The following WDR70 variants were observed in gnomAD, a reference collection of about 807,000 sequenced individuals.
WDR70 encodes WD repeat domain 70.
Under a neutral mutation model 88.6 loss-of-function variants are expected in WDR70, and 53 were observed. The ratio of observed to expected loss-of-function variants is 0.60; its 90% CI spans 0.48 to 0.75. The LOEUF (loss-of-function observed/expected upper bound fraction) is 0.75. Ranked by LOEUF, WDR70 falls within the 30% of genes least tolerant of loss-of-function variation. The pLI, the probability that WDR70 is intolerant of heterozygous loss-of-function variation, is 0.00. For missense variants in WDR70, 610 were observed against 823.2 expected, an observed-to-expected ratio of 0.74 and a Z score of 3.17; for synonymous variants, 280 against 270.0, an observed-to-expected ratio of 1.04 and a Z score of -0.36.
chr5:37,379,444 G>T, intron 1 of WDR70, 45 bp from the exon 2 acceptor site: 1 of 1,613,792 alleles, frequency 6.2e-7, no homozygotes, highest in Non-Finnish European at 8.5e-7. Flanking sequence ...GGGGGAGCTG[G>T]GGCGCCGCAC....
chr5:37,724,891 G>A (rs760988320), intron 15 of WDR70, 43 bp from the exon 16 acceptor site: 73 of 1,548,962 alleles, frequency 4.7e-5, no homozygotes, highest in South Asian at 2.5e-4. Context: ...TGGATGGGAA[G>A]GTTATTGTTA....
chr5:37,479,867 A>T lies in WDR70; in HGVS notation c.720A>T (p.Thr240=). 6.2e-7 allele frequency: 1 copy of T among 1,614,114 alleles called. No homozygotes were observed. The highest frequency in any genetic ancestry group is 1.3e-5 in the African/African-American group (1 of 75,032). ...HQIKSLQYSN[T]GDMILVVSGS... is the part of the protein sequence containing the mutation. ...TCAAGTCATTACAGTATAGTAACAC[A>T]GGAGACATGATTCTTGTTGTATCTG... is the stretch of plus-strand genomic sequence containing the variant. Residue 240 remains threonine (T), a synonymous_variant, in exon 8 of 18, where the codon ACA becomes ACT. Transcript: ENST00000265107.
At chr5:37,551,229 C>T (rs867724961) in intron 9 of WDR70, among the ~76,000 whole-genome samples, 19 of 151,306 alleles carry the variant, frequency 1.3e-4, no homozygotes, top group South Asian at 8.4e-4. Flanking sequence ...CACTTGAACC[C>T]GGGAGGCAGA....
intron 6 of WDR70, among the ~76,000 whole-genome samples, chr5:37,438,642 A>G (rs543493812): frequency 1.3e-5 from 2 of 152,276 alleles, no homozygotes; most frequent in Non-Finnish European, 2.9e-5. Context: ...TCTAATTGAC[A>G]TGTAAAGAAG....
intron 3 of WDR70, among the ~76,000 whole-genome samples, chr5:37,384,620 A>C (rs1748546462): frequency 7.4e-6 from 1 of 134,566 alleles, no homozygotes; most frequent in Non-Finnish European, 1.5e-5. Flanking sequence ...AGATCTTGCC[A>C]CTGCACTCCA....
chr5:37,523,333 G>T (rs768967792), intron 9 of WDR70, among the ~76,000 whole-genome samples: 1 of 152,242 alleles, frequency 6.6e-6, no homozygotes, highest in Non-Finnish European at 1.5e-5. Context: ...AATATTCGCT[G>T]TTCTGCAGCC....
chr5:37,521,740 A>ACACACACACC (rs57080738), intron 9 of WDR70, among the ~76,000 whole-genome samples: 51 of 131,274 alleles, frequency 3.9e-4, no homozygotes, highest in African/African-American at 1.3e-3. Context: ...ACACACACAC[A>ACACACACACC]CCCACATGTT....
intron 10 of WDR70, among the ~76,000 whole-genome samples, chr5:37,678,418 G>T (rs1243784361): frequency 2.6e-5 from 4 of 152,110 alleles, no homozygotes; most frequent in African/African-American, 7.2e-5. Flanking sequence ...CTCTTTTAGG[G>T]CAGGCCTGGT....
At chr5:37,400,823 G>A (rs930076016) in intron 5 of WDR70, among the ~76,000 whole-genome samples, 1 of 152,162 alleles carries the variant, frequency 6.6e-6, no homozygotes, top group African/African-American at 2.4e-5. Context: ...AATTGCTATA[G>A]CGAAGGCCCA....
chr5:37,536,335 A>AT (rs1327277753), intron 9 of WDR70, among the ~76,000 whole-genome samples: 1 of 152,098 alleles, frequency 6.6e-6, no homozygotes, highest in Non-Finnish European at 1.5e-5. Context: ...GTTTTAAAAT[A>AT]TTTTTTTCTT....
chr5:37,697,578 T>G, intron 10 of WDR70, 77 bp from the exon 11 acceptor site: 1 of 1,142,460 alleles, frequency 8.8e-7, no homozygotes, highest in Non-Finnish European at 1.3e-6. Context: ...CGTAATAAAG[T>G]GAAATGTTCT....
intron 5 of WDR70, among the ~76,000 whole-genome samples, chr5:37,408,045 G>T (rs753340069): frequency 6.6e-6 from 1 of 152,082 alleles, no homozygotes; most frequent in Non-Finnish European, 1.5e-5. Flanking sequence ...AAATGGAATA[G>T]AACTAGTTTG....
chr5:37,573,371 T>TTACTGCCTCTTTTTTTTTCTTATGA (rs1201616902), intron 9 of WDR70, among the ~76,000 whole-genome samples: 3 of 152,168 alleles, frequency 2.0e-5, no homozygotes, highest in African/African-American at 7.2e-5. Flanking sequence ...TCTCCCTCAG[T>TTACTGCCTCTTTTTTTTTCTTATGA]TACTGCCTCT....
chr5:37,720,370 C>T (rs1747772628), intron 13 of WDR70, among the ~76,000 whole-genome samples: 1 of 152,114 alleles, frequency 6.6e-6, no homozygotes. Flanking sequence ...CGCTATCCCT[C>T]CCACCTCTGC....
chr5:37,597,260 T>G (rs1743731147), intron 9 of WDR70, among the ~76,000 whole-genome samples: 1 of 152,188 alleles, frequency 6.6e-6, no homozygotes, highest in African/African-American at 2.4e-5. Context: ...ATATTTAACT[T>G]TATAAGAAAC....
intron 9 of WDR70, among the ~76,000 whole-genome samples, chr5:37,564,553 ACCGTG>A (rs1461759163): frequency 7.4e-4 from 79 of 107,094 alleles, no homozygotes; most frequent in Non-Finnish European, 1.5e-3. Context: ...GGAGAGGGAG[ACCGTG>A]GGGAGAGGGA....
chr5:37,681,874 T>C (rs1260611944), intron 10 of WDR70, among the ~76,000 whole-genome samples: 1 of 152,184 alleles, frequency 6.6e-6, no homozygotes, highest in Non-Finnish European at 1.5e-5. Flanking sequence ...ATCAAGGATA[T>C]TGGCCTGAAG....
intron 8 of WDR70, among the ~76,000 whole-genome samples, chr5:37,484,530 CAGAGGGAGACCGTGGAAAGAGAGGG>C (rs1471377647): frequency 6.6e-5 from 10 of 152,144 alleles, no homozygotes; most frequent in African/African-American, 2.4e-4. Context: ...GGCTTGGCAT[CAGAGGGAGACCGTGGAAAGAGAGGG>C]AGAGGGAGAC....
At chr5:37,607,960 A>G (rs753062708) in intron 10 of WDR70, among the ~76,000 whole-genome samples, 10 of 152,142 alleles carry the variant, frequency 6.6e-5, no homozygotes, top group Middle Eastern at 6.8e-3. Context: ...GGGGGAAAGA[A>G]TAGTGGGAGA....
Sources: allele counts gnomAD v4.1 joint callset (sites outside exome capture counted in the v4.1 genomes callset), GRCh38; gene constraint gnomAD v4.1.1; transcripts MANE v1.5; gene names NCBI Gene and HGNC (gene_info 2026-07-23, HGNC 2026-07-21).